The following TMTC3 variants were observed in gnomAD, a reference collection of about 807,000 sequenced individuals.
TMTC3 encodes protein O-mannosyl-transferase TMTC3.
Under a neutral mutation model 92.2 loss-of-function variants are expected in TMTC3, and 52 were observed. The ratio of observed to expected loss-of-function variants is 0.56; its 90% CI spans 0.45 to 0.71. The LOEUF is 0.71. TMTC3 is among the 30% of genes least tolerant of loss of function. TMTC3 has a pLI of 0.00. For synonymous variants in TMTC3, 339 were observed against 363.3 expected, an observed-to-expected ratio of 0.93 and a Z score of 0.76; for missense variants, 896 against 1,057.1, an observed-to-expected ratio of 0.85 and a Z score of 2.11.
rs1221860785 is a variant in TMTC3 at position 88,196,653 on chromosome 12, T to TCAAA, written c.*1007_*1010dup. 2 of 151,968 alleles carry TCAAA rather than the reference T, an allele frequency of 1.3e-5. No individual in the cohort carries two copies. The highest frequency in any genetic ancestry group is 2.9e-5 in the Non-Finnish European group (2 of 67,860). 9.4% of individuals were successfully genotyped at this position (151,968 alleles called of 1,614,324 possible). A position where few individuals can be genotyped will look rare whatever the true frequency, so the allele number is the denominator to read the frequency against. ...AGCAAAACAACGTGACAGTTTATTT[T>TCAAA]CAAACACTAACTTCTTGATATTTTG... On this transcript the variant is annotated 3_prime_UTR_variant, in exon 14 of 14. Transcript: ENST00000266712.
chr12:88,174,846 C>A, intron 9 of TMTC3, 119 bp downstream of exon 9: 1 of 1,237,920 alleles, frequency 8.1e-7, no homozygotes, highest in Non-Finnish European at 1.1e-6. Flanking sequence ...AAGTACTTTA[C>A]TAAAAGATTA....
intron 4 of TMTC3, among the ~76,000 whole-genome samples, chr12:88,157,238 C>T (rs1204304434): frequency 2.0e-5 from 3 of 151,456 alleles, no homozygotes; most frequent in Non-Finnish European, 2.9e-5. Flanking sequence ...TCTCTTTATC[C>T]TCTTAACCAC....
In TMTC3 at chr12:88,148,445, C is replaced by A. The variant is rs1248547308; in HGVS notation, c.130C>A (p.Pro44Thr). 1.9e-6 allele frequency: 3 copies of A among 1,611,814 alleles called. No individual in the cohort carries two copies. Among genetic ancestry groups the A allele is most frequent in the Non-Finnish European group, 2.5e-6 (3 of 1,179,126 alleles). Residue 44 changes from proline to threonine, a missense_variant, in exon 2 of 14, where the codon CCA (proline) becomes ACA (threonine). Pro to Thr is a conservative substitution (Grantham distance 38). Coordinates refer to ENST00000266712, the MANE Select transcript of TMTC3 (RefSeq NM_181783.4). ...SAILDNKDLH[P>T]STPLKTLFQN... is the part of the protein sequence containing the mutation. ...AATACTGGATAACAAAGACTTGCAT[C>A]CATCTACACCTTTAAAAACTTTATT...
In TMTC3 at chr12:88,153,494, A is replaced by G. The variant is rs768108301; in HGVS notation, c.393A>G (p.Pro131=). The G allele has an allele frequency of 2.5e-6, 4 of 1,605,928 alleles. No homozygotes were observed. Among genetic ancestry groups the G allele is most frequent in the East Asian group, 2.2e-5 (1 of 44,780 alleles). ...VIASLLFAVH[P]IHTEAVTGVV... ...CTTCTTTACTTTTTGCAGTGCACCC[A>G]ATACACACAGAAGCAGTAAGTAAAA... is the stretch of plus-strand genomic sequence containing the variant. The change falls in exon 3 of 14, where the codon CCA becomes CCG. Residue 131 remains proline, a synonymous_variant. Transcript: ENST00000266712.
intron 7 of TMTC3, 106 bp from the exon 8 acceptor site, chr12:88,172,491 G>T: frequency 1.8e-6 from 1 of 559,622 alleles, no homozygotes; most frequent in Non-Finnish European, 2.5e-6. Flanking sequence ...CAGGTTAAAT[G>T]ATAAAATATT....
rs1243045107 is a variant in TMTC3 at position 88,198,941 on chromosome 12, A to G, written c.*3292A>G. On this transcript the variant is annotated 3_prime_UTR_variant, in exon 14 of 14. Transcript: ENST00000266712. ...CATGTAGAGAGTTTATAAGAAAATA[A>G]TTTAAAATTGTATGCATTTTATATT... 1 of 152,150 alleles carries G rather than the reference A, an allele frequency of 6.6e-6. No homozygotes were observed. The highest frequency in any genetic ancestry group is 1.9e-4 in the East Asian group (1 of 5,204). 9.4% of individuals were successfully genotyped at this position (152,150 alleles called of 1,614,324 possible).
At chr12:88,190,270 C>A (rs1397547980) in intron 11 of TMTC3, among the ~76,000 whole-genome samples, 183 bp from the exon 12 acceptor site, 3 of 152,048 alleles carry the variant, frequency 2.0e-5, no homozygotes, top group East Asian at 1.9e-4. Flanking sequence ...TCAAACAAAT[C>A]AGAACTTTTA....
chr12:88,190,715 T>A (rs760881665), intron 12 of TMTC3, 93 bp downstream of exon 12: 16 of 1,349,310 alleles, frequency 1.2e-5, no homozygotes, highest in African/African-American at 4.4e-5. Context: ...TGAAAAAAAA[T>A]TATGTTTTTA....
At chr12:88,193,690 T>C (rs1276450209) in intron 13 of TMTC3, among the ~76,000 whole-genome samples, 2 of 152,162 alleles carry the variant, frequency 1.3e-5, no homozygotes, top group Non-Finnish European at 2.9e-5. Context: ...TGATTTATTT[T>C]CAAATTTTCT....
Position 88,198,503 on chromosome 12 carries a change from CT to C in TMTC3, c.*2856del. 2.5e-6 allele frequency: 1 copy of C among 397,504 alleles called. No individual in the cohort carries two copies. The highest frequency in any genetic ancestry group is 4.4e-6 in the Non-Finnish European group (1 of 225,240). 24.6% of individuals were successfully genotyped at this position (397,504 alleles called of 1,614,324 possible). A position where few individuals can be genotyped will look rare whatever the true frequency, so the allele number is the denominator to read the frequency against. On this transcript the variant is annotated 3_prime_UTR_variant, in exon 14 of 14. Coordinates refer to ENST00000266712, the MANE Select transcript of TMTC3 (RefSeq NM_181783.4). ...TTCTGGAATTGCACCTACATGTTTTCTTATTAACATTCAGAATTGGGAATAT... is the reference window on the plus strand; with the variant it reads ...TTCTGGAATTGCACCTACATGTTTTCTATTAACATTCAGAATTGGGAATAT...
intron 4 of TMTC3, 80 bp downstream of exon 4, chr12:88,154,467 A>G: frequency 2.3e-6 from 2 of 857,870 alleles, no homozygotes; most frequent in East Asian, 2.6e-5. Context: ...AGTGCTTCTT[A>G]TAACACATTA....
rs1284924328 is a variant in TMTC3 at position 88,198,739 on chromosome 12, G to C, written c.*3090G>C. On this transcript the variant is annotated 3_prime_UTR_variant, in exon 14 of 14. Transcript: ENST00000266712. ...TGCTTTAAAGATGCTTTAATGAAAAGTATTAAGAAAATATATAGATTTGTA... is the reference window on the plus strand; with the variant it reads ...TGCTTTAAAGATGCTTTAATGAAAACTATTAAGAAAATATATAGATTTGTA... 2 of 221,298 alleles carry C rather than the reference G, an allele frequency of 9.0e-6. No individual in the cohort carries two copies. The highest frequency in any genetic ancestry group is 1.7e-5 in the Non-Finnish European group (2 of 114,544). The allele number at this position is 221,298 out of a possible 1,614,324, so 13.7% of individuals were successfully genotyped here.
At chr12:88,162,528 A>G (rs1466538563) in intron 6 of TMTC3, among the ~76,000 whole-genome samples, 1 of 152,086 alleles carries the variant, frequency 6.6e-6, no homozygotes, top group African/African-American at 2.4e-5. Flanking sequence ...CTTTTGCTAT[A>G]TCAAGTTCAC....
At chr12:88,149,705 T>C (rs1457781485) in intron 2 of TMTC3, among the ~76,000 whole-genome samples, 1 of 152,202 alleles carries the variant, frequency 6.6e-6, no homozygotes, top group African/African-American at 2.4e-5. Flanking sequence ...TTTGGAAGCC[T>C]CTCAAGGTTA....
Position 88,199,650 on chromosome 12 carries a change from T to C in TMTC3, c.*4001T>C, listed in dbSNP as rs1419448792. On this transcript the variant is annotated 3_prime_UTR_variant, in exon 14 of 14. Coordinates refer to ENST00000266712, the MANE Select transcript of TMTC3 (RefSeq NM_181783.4). ...ATACTTAGGATGAAGCTAAAATGCA[T>C]AACTGAGACACCTTAAAATTGTACT... The C allele has an allele frequency of 6.6e-6, 1 of 152,166 alleles. No homozygotes were observed. Among genetic ancestry groups the C allele is most frequent in the Non-Finnish European group, 1.5e-5 (1 of 68,028 alleles). 9.4% of individuals were successfully genotyped at this position (152,166 alleles called of 1,614,324 possible).
At chr12:88,144,172 A>G (rs555699752) in intron 1 of TMTC3, among the ~76,000 whole-genome samples, 73 of 152,212 alleles carry the variant, frequency 4.8e-4, no homozygotes, top group South Asian at 2.7e-3. Context: ...CCCACCTCCT[A>G]TCTCATCCTG....
At chr12:88,190,807 A>G (rs1326104646) in intron 12 of TMTC3, among the ~76,000 whole-genome samples, 185 bp downstream of exon 12, 8 of 152,200 alleles carry the variant, frequency 5.3e-5, no homozygotes, top group Non-Finnish European at 1.0e-4. Context: ...TGAAATTAAC[A>G]AGGGGAATCC....
At chr12:88,173,113 T>TA (rs1357417014) in intron 8 of TMTC3, 1 of 1,230,148 alleles carries the variant, frequency 8.1e-7, no homozygotes, top group Admixed American at 2.9e-5. Context: ...AGTTAATATA[T>TA]ATAAAATGCA....
chr12:88,161,204 T>A (rs775695272), intron 6 of TMTC3, among the ~76,000 whole-genome samples: 8 of 152,084 alleles, frequency 5.3e-5, no homozygotes, highest in Non-Finnish European at 1.0e-4. Flanking sequence ...TCGCTATTTC[T>A]CCTTGCACTT....
Sources: allele counts gnomAD v4.1 joint callset (sites outside exome capture counted in the v4.1 genomes callset), GRCh38; gene constraint gnomAD v4.1.1; transcripts MANE v1.5; gene names NCBI Gene and HGNC (gene_info 2026-07-23, HGNC 2026-07-21).